The following RAB1A variants were observed in gnomAD, a reference collection of about 807,000 sequenced individuals.
The protein encoded by RAB1A is RAB1A, member RAS oncogene family, also known as ras-related protein Rab-1A.
RAB1A carries 2 observed loss-of-function variants against 26.0 expected under a neutral mutation model. The observed-to-expected ratio is 0.08, with a 90% CI of 0.03 to 0.24. RAB1A has a LOEUF of 0.24. RAB1A is among the 10% of genes least tolerant of loss of function. The probability of loss-of-function intolerance (pLI) is 1.00; values close to 1 mark genes in which losing one functional copy is unlikely to be tolerated. For missense variants in RAB1A, 100 were observed against 247.0 expected (o/e 0.40, Z 3.99); for synonymous variants, 84 against 84.9 (o/e 0.99, Z 0.06).
chr2:65,099,929 A>C (rs1669379013), intron 2 of RAB1A, among the ~76,000 whole-genome samples: 1 of 152,238 alleles, frequency 6.6e-6, no homozygotes, highest in African/African-American at 2.4e-5. Context: ...AATCTAGAAT[A>C]TTGGACAATC....
At chr2:65,123,052 A>G (rs987520465) in intron 1 of RAB1A, among the ~76,000 whole-genome samples, 11 of 146,830 alleles carry the variant, frequency 7.5e-5, no homozygotes, top group Admixed American at 1.4e-4. Context: ...ACAAATAGTG[A>G]AACCATCACA....
At chr2:65,092,269 A>T (rs1429320564) in intron 3 of RAB1A, among the ~76,000 whole-genome samples, 1 of 152,154 alleles carries the variant, frequency 6.6e-6, no homozygotes, top group Non-Finnish European at 1.5e-5. Flanking sequence ...TGTCTCAAAA[A>T]AAGAGAAAAA....
At chr2:65,111,016 G>T (rs11126028) in intron 1 of RAB1A, among the ~76,000 whole-genome samples, 2 of 151,970 alleles carry the variant, frequency 1.3e-5, no homozygotes, top group African/African-American at 4.8e-5. Flanking sequence ...CTAAATTAAT[G>T]GATAAAACTA....
chr2:65,105,314 GA>G (rs1343319518), intron 1 of RAB1A: 1 of 184,724 alleles, frequency 5.4e-6, no homozygotes, highest in Non-Finnish European at 1.1e-5. Context: ...AGACCAGCCT[GA>G]CCAACATGGT....
chr2:65,097,099 T>A (rs1318925625), intron 3 of RAB1A, among the ~76,000 whole-genome samples: 2 of 152,204 alleles, frequency 1.3e-5, no homozygotes, highest in African/African-American at 2.4e-5. Context: ...TGACTCCTAA[T>A]GCAGGACTCC....
At chr2:65,123,933 T>C (rs1199774898) in intron 1 of RAB1A, among the ~76,000 whole-genome samples, 4 of 152,098 alleles carry the variant, frequency 2.6e-5, no homozygotes, top group African/African-American at 9.7e-5. Flanking sequence ...TATTTGATGG[T>C]TAAAAACTGT....
chr2:65,126,949 C>T (rs1195986088), intron 1 of RAB1A, among the ~76,000 whole-genome samples: 1 of 152,210 alleles, frequency 6.6e-6, no homozygotes, highest in Non-Finnish European at 1.5e-5. Context: ...TGATTGCTCA[C>T]TGCCCTTGTG....
At chr2:65,108,914 T>C (rs1157425567) in intron 1 of RAB1A, among the ~76,000 whole-genome samples, 1 of 152,210 alleles carries the variant, frequency 6.6e-6, no homozygotes, top group Non-Finnish European at 1.5e-5. Context: ...AGACAATCTT[T>C]GCAAAAGACT....
chr2:65,097,560 T>A (rs1391930561), intron 3 of RAB1A, among the ~76,000 whole-genome samples: 6 of 152,236 alleles, frequency 3.9e-5, no homozygotes, highest in Admixed American at 3.9e-4. Flanking sequence ...ACTACATAAG[T>A]ACTTCTCTTC....
intron 2 of RAB1A, among the ~76,000 whole-genome samples, chr2:65,104,243 CAG>C (rs1669503094): frequency 6.6e-6 from 1 of 151,524 alleles, no homozygotes; most frequent in South Asian, 2.1e-4. Flanking sequence ...CTTTTTTTTT[CAG>C]AGACAGAGTC....
chr2:65,117,704 C>G (rs1669856626), intron 1 of RAB1A, among the ~76,000 whole-genome samples: 2 of 150,584 alleles, frequency 1.3e-5, no homozygotes, highest in Admixed American at 6.6e-5. Context: ...GTAGCTGGGA[C>G]CACAGGCGCG....
intron 1 of RAB1A, among the ~76,000 whole-genome samples, chr2:65,107,860 T>A (rs572786016): frequency 2.7e-4 from 41 of 152,112 alleles, no homozygotes; most frequent in African/African-American, 8.9e-4. Flanking sequence ...GGTCAGAAGT[T>A]CCAGACCACC....
chr2:65,094,533 G>A (rs1264820701), intron 3 of RAB1A, among the ~76,000 whole-genome samples: 3 of 149,830 alleles, frequency 2.0e-5, no homozygotes, highest in African/African-American at 4.9e-5. Flanking sequence ...GCAGTGAGCC[G>A]AGATCACGCC....
At chr2:65,128,035 A>T (rs925117877) in intron 1 of RAB1A, among the ~76,000 whole-genome samples, 1 of 152,114 alleles carries the variant, frequency 6.6e-6, no homozygotes, top group African/African-American at 2.4e-5. Flanking sequence ...CGCCTGGCCT[A>T]TATCTAAACT....
chr2:65,122,164 A>ATC (rs1669978841), intron 1 of RAB1A, among the ~76,000 whole-genome samples: 1 of 17,984 alleles, frequency 5.6e-5, no homozygotes, highest in African/African-American at 2.2e-4. Context: ...TCAAAAAAAA[A>ATC]AAAAAAAAAA....
At chr2:65,110,377 G>A (rs1669667198) in intron 1 of RAB1A, among the ~76,000 whole-genome samples, 2 of 148,726 alleles carry the variant, frequency 1.3e-5, no homozygotes, top group African/African-American at 2.5e-5. Flanking sequence ...GGAGGTGGAG[G>A]TTGCAGTGAG....
chr2:65,090,305 A>G (rs1669141844), intron 4 of RAB1A, among the ~76,000 whole-genome samples: 1 of 152,236 alleles, frequency 6.6e-6, no homozygotes, highest in Admixed American at 6.5e-5. Context: ...TTGCCAAAAG[A>G]AAAATAAATT....
intron 1 of RAB1A, among the ~76,000 whole-genome samples, chr2:65,129,209 A>C (rs900364350): frequency 1.3e-5 from 2 of 151,798 alleles, no homozygotes; most frequent in African/African-American, 4.8e-5. Flanking sequence ...AAAAAAAAAA[A>C]AAACAAAATT....
chr2:65,113,075 G>A (rs888471924), intron 1 of RAB1A, among the ~76,000 whole-genome samples: 1 of 152,136 alleles, frequency 6.6e-6, no homozygotes, highest in Non-Finnish European at 1.5e-5. Context: ...AATGATCAAT[G>A]ACAGGATATG....
Sources: allele counts gnomAD v4.1 joint callset (sites outside exome capture counted in the v4.1 genomes callset), GRCh38; gene constraint gnomAD v4.1.1; transcripts MANE v1.5; gene names NCBI Gene and HGNC (gene_info 2026-07-23, HGNC 2026-07-21).